The following NKAIN2 variants were observed in gnomAD, a reference collection of about 807,000 sequenced individuals.
The protein encoded by NKAIN2 is sodium/potassium transporting ATPase interacting 2.
A neutral mutation model predicts 32.6 loss-of-function variants in NKAIN2; 14 were observed. The observed-to-expected ratio is 0.43, with a 90% CI of 0.28 to 0.67. The LOEUF is 0.67. Among genes scored for constraint, NKAIN2 ranks in the 30% least tolerant of loss-of-function variants. The pLI is 0.17. For synonymous variants in NKAIN2, 80 were observed against 87.2 expected, an observed-to-expected ratio of 0.92 and a Z score of 0.46; for missense variants, 198 against 258.3, an observed-to-expected ratio of 0.77 and a Z score of 1.60.
chr6:123,813,793 C>T (rs1773578583), intron 1 of NKAIN2, among the ~76,000 whole-genome samples: 2 of 151,542 alleles, frequency 1.3e-5, no homozygotes, highest in South Asian at 2.1e-4. Context: ...GGCAACAGAG[C>T]GAAATCCCAT....
chr6:124,364,250 A>AAAAAAAAAAAAAGAGAG (rs3054409), intron 3 of NKAIN2, among the ~76,000 whole-genome samples: 1 of 139,736 alleles, frequency 7.2e-6, no homozygotes, highest in Non-Finnish European at 1.5e-5. Flanking sequence ...AAAAAAAAAA[A>AAAAAAAAAAAAAGAGAG]AGAGAGAAAA....
chr6:124,528,612 G>T (rs1390854039), intron 3 of NKAIN2, among the ~76,000 whole-genome samples: 1 of 152,164 alleles, frequency 6.6e-6, no homozygotes, highest in Non-Finnish European at 1.5e-5. Flanking sequence ...ATTTTCTTCA[G>T]AATCAGTGCT....
At chr6:123,923,962 T>A (rs568238747) in intron 1 of NKAIN2, among the ~76,000 whole-genome samples, 2 of 151,650 alleles carry the variant, frequency 1.3e-5, no homozygotes, top group South Asian at 2.1e-4. Flanking sequence ...ATAAAAAAAA[T>A]TAAAAAAATT....
chr6:123,946,437 T>G lies in NKAIN2; in HGVS notation c.54+142183T>G, dbSNP rs1410835705. Among the ~76,000 whole-genome samples, 5 of 152,296 alleles carry G rather than the reference T, an allele frequency of 3.3e-5. No homozygotes were observed. The South Asian group carries it at 8.3e-4, about 25-fold the overall frequency. On this transcript the variant is annotated intron_variant, in intron 1 of 6. Transcript: ENST00000368417. ...TTTAAATCTAATTTTACATGGAGCT[T>G]CAAAATTCTCACTGTGTTAATGAAA... is the stretch of plus-strand genomic sequence containing the variant.
chr6:123,883,539 C>T (rs1035455406), intron 1 of NKAIN2, among the ~76,000 whole-genome samples: 1 of 151,882 alleles, frequency 6.6e-6, no homozygotes, highest in Non-Finnish European at 1.5e-5. Flanking sequence ...TAAGATGTGC[C>T]TGTTTCCCCT....
At chr6:123,808,770 G>A (rs1251568000) in intron 1 of NKAIN2, among the ~76,000 whole-genome samples, 1 of 152,168 alleles carries the variant, frequency 6.6e-6, no homozygotes, top group Non-Finnish European at 1.5e-5. Context: ...AATGTGCTTT[G>A]CTACCTCCTT....
chr6:124,358,394 A>T (rs1040470176), intron 3 of NKAIN2, among the ~76,000 whole-genome samples: 17 of 152,058 alleles, frequency 1.1e-4, no homozygotes, highest in African/African-American at 2.2e-4. Flanking sequence ...TCCCACCAAC[A>T]GTGTAAAAGT....
intron 1 of NKAIN2, among the ~76,000 whole-genome samples, chr6:124,176,641 G>T (rs1789171036): frequency 6.6e-6 from 1 of 151,990 alleles, no homozygotes; most frequent in Non-Finnish European, 1.5e-5. Flanking sequence ...AAAATAAATA[G>T]TAGATTTATA....
chr6:124,685,991 C>T (rs186693151), intron 4 of NKAIN2, among the ~76,000 whole-genome samples: 230 of 152,304 alleles, frequency 1.5e-3, no homozygotes, highest in Non-Finnish European at 2.6e-3. Context: ...GCTGTGTTCT[C>T]AGCTGAGGCT....
At chr6:123,969,139 G>A (rs1257861577) in intron 1 of NKAIN2, among the ~76,000 whole-genome samples, 4 of 152,036 alleles carry the variant, frequency 2.6e-5, no homozygotes, top group Admixed American at 1.3e-4. Context: ...AATAAGATGC[G>A]GCTTTCAAAA....
intron 1 of NKAIN2, among the ~76,000 whole-genome samples, chr6:123,807,602 T>C (rs1187464156): frequency 1.3e-5 from 2 of 152,132 alleles, no homozygotes; most frequent in Non-Finnish European, 2.9e-5. Context: ...ATCAGAGTTC[T>C]TTTATAAATG....
intron 1 of NKAIN2, among the ~76,000 whole-genome samples, chr6:123,938,409 T>C (rs1181383861): frequency 1.5e-4 from 10 of 65,044 alleles, no homozygotes; most frequent in African/African-American, 8.0e-4. Flanking sequence ...TATATATATA[T>C]ATATATATAT....
At chr6:124,236,332 C>A (rs185030545) in intron 1 of NKAIN2, among the ~76,000 whole-genome samples, 11 of 152,140 alleles carry the variant, frequency 7.2e-5, no homozygotes, top group Admixed American at 4.6e-4. Flanking sequence ...AACATGTATT[C>A]TCTCAAAGTC....
chr6:123,969,308 GA>G (rs1778231803), intron 1 of NKAIN2, among the ~76,000 whole-genome samples: 1 of 152,118 alleles, frequency 6.6e-6, no homozygotes, highest in Non-Finnish European at 1.5e-5. Flanking sequence ...TTTTTATAAG[GA>G]ATAAGGATGG....
At chr6:124,461,020 A>G (rs951957860) in intron 3 of NKAIN2, among the ~76,000 whole-genome samples, 3 of 151,858 alleles carry the variant, frequency 2.0e-5, no homozygotes, top group South Asian at 2.1e-4. Flanking sequence ...TATTTAACAT[A>G]TATAGGTATT....
At position 124,209,866 on chromosome 6, in the gene NKAIN2, G is replaced by A. The variant is rs116280377; in HGVS notation, c.55-73139G>A. Among the ~76,000 whole-genome samples the A allele has an allele frequency of 6.0e-3, 907 of 151,768 alleles. 10 individuals are homozygous for A. Among genetic ancestry groups the A allele is most frequent in the African/African-American group, 0.019 (773 of 41,452 alleles). ...GTGGTTATTATTACCTTGTCAGATG[G>A]GTAGTTGCAAATATTTTCTCCCCTT... On this transcript the variant is annotated intron_variant, in intron 1 of 6. Transcript: ENST00000368417.
chr6:124,641,218 C>T lies in NKAIN2; in HGVS notation c.274-16968C>T, dbSNP rs1005354991. ...GTATTAATTCAAACGAAGAGAGATACGCAGAATGTTAATAGGAAGTTATAA... is the reference window on the plus strand; with the variant it reads ...GTATTAATTCAAACGAAGAGAGATATGCAGAATGTTAATAGGAAGTTATAA... On this transcript the variant is annotated intron_variant, in intron 3 of 6. Coordinates refer to ENST00000368417, the MANE Select transcript of NKAIN2 (RefSeq NM_001040214.3). Among the ~76,000 whole-genome samples the T allele has an allele frequency of 9.2e-5, 14 of 152,190 alleles. 1 individual carries two copies. Among genetic ancestry groups the T allele is most frequent in the Middle Eastern group, 6.8e-3 (2 of 294 alleles).
chr6:123,994,499 G>A (rs750310607), intron 1 of NKAIN2, among the ~76,000 whole-genome samples: 39 of 152,010 alleles, frequency 2.6e-4, no homozygotes, highest in Admixed American at 2.4e-3. Context: ...CAGCTGCTCC[G>A]TAAGCAAATA....
At chr6:124,635,248 C>T (rs1394820799) in intron 3 of NKAIN2, among the ~76,000 whole-genome samples, 3 of 151,820 alleles carry the variant, frequency 2.0e-5, no homozygotes, top group Non-Finnish European at 2.9e-5. Flanking sequence ...AGTTCTTTAT[C>T]TTAAAGTTAA....
Sources: gnomAD v4.1 joint callset for allele counts (sites outside exome capture counted in the v4.1 genomes callset) on GRCh38, gnomAD v4.1.1 for gene constraint, MANE v1.5 for transcripts, NCBI Gene and HGNC (gene_info 2026-07-23, HGNC 2026-07-21) for gene names.